Variants in GFRA1 observed in about 807,000 individuals in gnomAD.
GFRA1 encodes the protein GDNF family receptor alpha-1.
In GFRA1, 16 loss-of-function variants were observed where a neutral mutation model predicts 51.6. The observed-to-expected ratio is 0.31, with a 90% CI of 0.21 to 0.47. GFRA1 has a LOEUF of 0.47. Among genes scored for constraint, GFRA1 ranks in the 20% least tolerant of loss-of-function variants. The probability of loss-of-function intolerance (pLI) is 1.00; values close to 1 mark genes in which losing one functional copy is unlikely to be tolerated. For missense variants in GFRA1, 530 were observed against 594.3 expected (o/e 0.89, Z 1.13); for synonymous variants, 270 against 241.3 (o/e 1.12, Z -1.10).
chr10:116,182,112 G>A (rs2134277741), intron 5 of GFRA1, among the ~76,000 whole-genome samples: 1 of 149,390 alleles, frequency 6.7e-6, no homozygotes, highest in Admixed American at 6.7e-5. Context: ...GGGTGGTGGG[G>A]AGGGCAGAGA....
chr10:116,186,673 A>G (rs1367530022), intron 5 of GFRA1, among the ~76,000 whole-genome samples: 3 of 151,966 alleles, frequency 2.0e-5, no homozygotes, highest in Admixed American at 6.6e-5. Flanking sequence ...GAGGTGCTGA[A>G]TGTTCATTTT....
rs75841238 is a variant in GFRA1 at position 116,064,452 on chromosome 10, C to G, written c.1344G>C (p.Leu448=). The change falls in exon 11 of 11, where the codon CTG becomes CTC. Residue 448 remains leucine, a synonymous_variant. Transcript: ENST00000355422. ...APPSCGLSPL[L]VLVVTALSTL... is the part of the protein sequence containing the mutation. ...TGGACAGAGCGGTTACCACCAGGAC[C>G]AGCAGTGGGCTCAGACCACAGCTTG... is the stretch of plus-strand genomic sequence containing the variant. The G allele has an allele frequency of 5.5e-4, 880 of 1,612,838 alleles. No homozygotes were observed. The highest frequency in any genetic ancestry group is 7.1e-4 in the Non-Finnish European group (843 of 1,179,526).
intron 5 of GFRA1, among the ~76,000 whole-genome samples, chr10:116,196,713 TAG>T (rs1963883260): frequency 7.6e-5 from 8 of 104,616 alleles, no homozygotes; most frequent in South Asian, 2.7e-4. Flanking sequence ...ATATTATATA[TAG>T]TACTATATAT....
intron 4 of GFRA1, among the ~76,000 whole-genome samples, chr10:116,252,990 T>C (rs1968512961): frequency 6.6e-6 from 1 of 152,142 alleles, no homozygotes; most frequent in Admixed American, 6.5e-5. Context: ...CTCCCTAAGG[T>C]TCTAATGTGC....
chr10:116,102,925 C>T (rs1243154068), intron 6 of GFRA1, among the ~76,000 whole-genome samples: 4 of 152,164 alleles, frequency 2.6e-5, no homozygotes, highest in Non-Finnish European at 5.9e-5. Context: ...CTAAACCCAA[C>T]GTGGACATTA....
At chr10:116,092,342 A>G (rs780507781) in intron 8 of GFRA1, among the ~76,000 whole-genome samples, 11 of 152,166 alleles carry the variant, frequency 7.2e-5, no homozygotes, top group African/African-American at 1.9e-4. Context: ...AATGACTTCA[A>G]TTTTTCCTAT....
chr10:116,211,481 T>C (rs1236697370), intron 5 of GFRA1, 150 bp downstream of exon 5: 1 of 703,216 alleles, frequency 1.4e-6, no homozygotes, highest in Non-Finnish European at 2.5e-6. Context: ...CTGATGGCAC[T>C]TTAAGCCACT....
chr10:116,093,651 C>T (rs557942617), intron 8 of GFRA1, 51 bp downstream of exon 8: 12 of 1,550,822 alleles, frequency 7.7e-6, no homozygotes, highest in African/African-American at 4.1e-5. Flanking sequence ...AGCTGGAGCT[C>T]GGAGAAGAAA....
intron 5 of GFRA1, among the ~76,000 whole-genome samples, chr10:116,176,305 A>C (rs1289398250): frequency 6.6e-6 from 1 of 152,200 alleles, no homozygotes; most frequent in Non-Finnish European, 1.5e-5. Flanking sequence ...CCTCTCTTCC[A>C]TCTTTCACTT....
In GFRA1 at chr10:116,222,097, T is replaced by TGA. The variant is rs552886807; in HGVS notation, c.419-10454_419-10453dup. ...ACTTGGGTTTATGAAAAGGATGGTATGAGAGGCGGTAGAAGGGGAAAGAGC... is the reference window on the plus strand; with the variant it reads ...ACTTGGGTTTATGAAAAGGATGGTATGAGAGAGGCGGTAGAAGGGGAAAGAGC... On this transcript the variant is annotated intron_variant, in intron 4 of 10. Coordinates refer to ENST00000355422, the MANE Select transcript of GFRA1 (RefSeq NM_005264.8). Among the ~76,000 whole-genome samples the TGA allele has an allele frequency of 2.2e-3, 335 of 152,250 alleles. 3 individuals are homozygous for TGA. Among genetic ancestry groups the TGA allele is most frequent in the African/African-American group, 7.8e-3 (324 of 41,542 alleles).
At chr10:116,100,220 G>A (rs369729728) in intron 6 of GFRA1, among the ~76,000 whole-genome samples, 28 of 152,282 alleles carry the variant, frequency 1.8e-4, no homozygotes, top group East Asian at 1.5e-3. Flanking sequence ...TAACAACTAC[G>A]AAGTATTTGT....
chr10:116,229,939 T>C (rs1966577808), intron 4 of GFRA1, among the ~76,000 whole-genome samples: 1 of 152,178 alleles, frequency 6.6e-6, no homozygotes, highest in Non-Finnish European at 1.5e-5. Context: ...CAGGCACCCC[T>C]TGGGGAGCTT....
chr10:116,068,677 C>T (rs1219252364), intron 9 of GFRA1, among the ~76,000 whole-genome samples: 4 of 152,162 alleles, frequency 2.6e-5, no homozygotes, highest in Non-Finnish European at 5.9e-5. Context: ...TTAAGAAAAT[C>T]TGCGTCTTAA....
At chr10:116,067,393 A>T (rs1955163214) in intron 9 of GFRA1, among the ~76,000 whole-genome samples, 1 of 152,198 alleles carries the variant, frequency 6.6e-6, no homozygotes, top group Non-Finnish European at 1.5e-5. Flanking sequence ...AAATTTACTG[A>T]ATTGCACAGG....
intron 7 of GFRA1, among the ~76,000 whole-genome samples, chr10:116,094,308 T>C (rs1337428695): frequency 6.6e-6 from 1 of 152,204 alleles, no homozygotes; most frequent in African/African-American, 2.4e-5. Context: ...TCCTAGCGGT[T>C]AGCCTGCACC....
chr10:116,255,561 A>G (rs755591969), intron 4 of GFRA1: 2 of 1,282,306 alleles, frequency 1.6e-6, no homozygotes, highest in African/African-American at 3.1e-5. Context: ...ACACAGGACT[A>G]GCATATTCAG....
At chr10:116,223,518 G>C (rs1014480576) in intron 4 of GFRA1, among the ~76,000 whole-genome samples, 1 of 152,146 alleles carries the variant, frequency 6.6e-6, no homozygotes, top group Non-Finnish European at 1.5e-5. Context: ...ATCGTCCCAT[G>C]TCATGGCTGT....
intron 4 of GFRA1, among the ~76,000 whole-genome samples, chr10:116,239,744 G>A (rs942309654): frequency 4.6e-5 from 7 of 152,046 alleles, no homozygotes; most frequent in Non-Finnish European, 8.8e-5. Flanking sequence ...AACAAAAGGA[G>A]GCTGCTGATC....
At position 116,260,196 on chromosome 10, in the gene GFRA1, G is replaced by A. The variant is rs769401710; in HGVS notation, c.418+9307C>T. Among the ~76,000 whole-genome samples, 64 of 152,284 alleles carry A rather than the reference G, an allele frequency of 4.2e-4. 1 individual carries two copies. The highest frequency in any genetic ancestry group is 3.4e-3 in the Middle Eastern group (1 of 294). ...TAGGAGTAAATTGCAATTGATTTTC[G>A]AAGAAATTGCTTGTTCTCTTGCCTT... On this transcript the variant is annotated intron_variant, in intron 4 of 10. Coordinates refer to ENST00000355422, the MANE Select transcript of GFRA1 (RefSeq NM_005264.8).
Sources: allele counts gnomAD v4.1 joint callset (sites outside exome capture counted in the v4.1 genomes callset), GRCh38; gene constraint gnomAD v4.1.1; transcripts MANE v1.5; gene names NCBI Gene and HGNC (gene_info 2026-07-23, HGNC 2026-07-21).